Variants in CTNNAL1 observed in about 807,000 individuals in gnomAD.
CTNNAL1 encodes the protein alpha-catulin.
CTNNAL1 carries 69 observed loss-of-function variants against 93.6 expected under a neutral mutation model. The ratio of observed to expected loss-of-function variants is 0.74; its 90% CI spans 0.61 to 0.90. CTNNAL1 has a LOEUF of 0.90. Among genes scored for constraint, CTNNAL1 ranks in the 40% least tolerant of loss-of-function variants. The pLI, the probability that CTNNAL1 is intolerant of heterozygous loss-of-function variation, is 0.00. For synonymous variants in CTNNAL1, 286 were observed against 305.4 expected (o/e 0.94, Z 0.66); for missense variants, 836 against 862.0 (o/e 0.97, Z 0.38).
At chr9:108,964,432 A>T (rs901177268) in intron 11 of CTNNAL1, among the ~76,000 whole-genome samples, 3 of 152,224 alleles carry the variant, frequency 2.0e-5, no homozygotes, top group African/African-American at 7.2e-5. Flanking sequence ...GAAGAGAAAA[A>T]ATATAAACAT....
At chr9:108,944,918 C>A (rs1045232339) in intron 15 of CTNNAL1, among the ~76,000 whole-genome samples, 2 of 152,168 alleles carry the variant, frequency 1.3e-5, no homozygotes, top group African/African-American at 4.8e-5. Context: ...TGCAACCTTC[C>A]CTTTAAAAGG....
rs370631383 is a variant in CTNNAL1, at chr9:108,972,701, A to C, written c.1321T>G (p.Ser441Ala). 5.6e-6 allele frequency: 9 copies of C among 1,613,574 alleles called. No individual in the cohort carries two copies. The highest frequency in any genetic ancestry group is 1.7e-4 in the Middle Eastern group (1 of 6,044). ...EALAEYACKL[S>A]EQKEQLVETC... ...TCAACAAGCTGCTCTTTCTGTTCAG[A>C]GAGTTTACAGGCATATTCAGCCAAA... is the stretch of plus-strand genomic sequence containing the variant. The change falls in exon 9 of 19, where the codon TCT becomes GCT. Residue 441 changes from serine (S) to alanine (A), a missense_variant. By Grantham distance (99) the Ser-to-Ala change is moderately conservative. Transcript: ENST00000325551.
At chr9:109,011,919 A>C (rs922357020) in intron 1 of CTNNAL1, among the ~76,000 whole-genome samples, 1 of 152,240 alleles carries the variant, frequency 6.6e-6, no homozygotes, top group Non-Finnish European at 1.5e-5. Context: ...CTTGAACTCC[A>C]TCACTCTCTT....
At chr9:108,956,617 T>C (rs1258463847) in intron 11 of CTNNAL1, among the ~76,000 whole-genome samples, 1 of 152,228 alleles carries the variant, frequency 6.6e-6, no homozygotes, top group Non-Finnish European at 1.5e-5. Context: ...AAATTGCTGG[T>C]ATTCAACCAT....
chr9:108,943,945 A>G lies in CTNNAL1; in HGVS notation c.1941+17T>C. On this transcript the variant is annotated intron_variant, in intron 16 of 18. Transcript: ENST00000325551. ...CATAATACCACCACCAGCTCCAGGT[A>G]GGTAGACATGTGTTACCTGTTTTGA... The G allele has an allele frequency of 6.2e-7, 1 of 1,612,246 alleles. No homozygotes were observed. The highest frequency in any genetic ancestry group is 8.5e-7 in the Non-Finnish European group (1 of 1,179,018).
chr9:108,988,659 G>A (rs979836412), intron 4 of CTNNAL1, among the ~76,000 whole-genome samples: 5 of 152,038 alleles, frequency 3.3e-5, no homozygotes, highest in Admixed American at 2.6e-4. Flanking sequence ...TACCCTTCCC[G>A]TTTGCTCACT....
intron 3 of CTNNAL1, 58 bp from the exon 4 acceptor site, chr9:108,990,903 T>C (rs548473575): frequency 7.7e-6 from 12 of 1,560,706 alleles, no homozygotes; most frequent in Admixed American, 2.0e-5. Context: ...ACTGAGATTG[T>C]CAAGGCTGAG....
Position 108,948,249 on chromosome 9 carries a change from ATTG to A in CTNNAL1, c.1836-18_1836-16del, listed in dbSNP as rs780770460. ...GCCCCTCTCCTCTAAAATAAAATTA[ATTG>A]TTAAGAAGGTAACAAAAAGTTATTA... On this transcript the variant is annotated splice_polypyrimidine_tract_variant and intron_variant, in intron 14 of 18. Transcript: ENST00000325551. 8.7e-6 allele frequency: 14 copies of A among 1,609,264 alleles called. No individual in the cohort carries two copies. The highest frequency in any genetic ancestry group is 3.4e-5 in the Admixed American group (2 of 58,730).
chr9:108,993,017 T>C lies in CTNNAL1; in HGVS notation c.332-198A>G, dbSNP rs180846485. Among the ~76,000 whole-genome samples the C allele has an allele frequency of 1.1e-3, 166 of 152,346 alleles. 1 individual carries two copies. Among genetic ancestry groups the C allele is most frequent in the African/African-American group, 3.6e-3 (151 of 41,592 alleles). On this transcript the variant is annotated intron_variant, in intron 2 of 18. Coordinates refer to ENST00000325551, the MANE Select transcript of CTNNAL1 (RefSeq NM_003798.4). The stretch of plus-strand genomic sequence containing the variant: ...CTAACCAGAAAATAATAGCACACTC[T>C]TAAGAACTGTGACAAATTTTGCCCT...
intron 6 of CTNNAL1, among the ~76,000 whole-genome samples, chr9:108,982,475 T>C (rs574382553): frequency 1.3e-5 from 2 of 152,276 alleles, no homozygotes; most frequent in African/African-American, 2.4e-5. Context: ...CTAGCAGAAA[T>C]GATTTGCTGC....
intron 8 of CTNNAL1, among the ~76,000 whole-genome samples, chr9:108,976,610 AG>A (rs568623466): frequency 4.1e-4 from 62 of 152,084 alleles, no homozygotes; most frequent in Middle Eastern, 3.4e-3. Context: ...GGCTCACTGC[AG>A]CCTTGAGCCC....
chr9:108,978,989 T>C (rs1330715406), intron 7 of CTNNAL1, among the ~76,000 whole-genome samples: 1 of 151,964 alleles, frequency 6.6e-6, no homozygotes, highest in Non-Finnish European at 1.5e-5. Context: ...TTTCCAGAGG[T>C]GAGTTTGGTG....
chr9:108,990,577 T>A, intron 4 of CTNNAL1, 149 bp downstream of exon 4: 2 of 913,162 alleles, frequency 2.2e-6, no homozygotes, highest in Non-Finnish European at 3.1e-6. Context: ...ACTTACTTTA[T>A]CCTGGCTTAT....
In CTNNAL1 at chr9:108,999,266, A is replaced by T. The variant is rs1384945671; in HGVS notation, c.142-10T>A. ...TAATAAGCGTGGTGATCTAAAAATA[A>T]AAGATAAAAGCAACTTTTATCTCAA... On this transcript the variant is annotated splice_polypyrimidine_tract_variant and intron_variant, in intron 1 of 18. Coordinates refer to ENST00000325551, the MANE Select transcript of CTNNAL1 (RefSeq NM_003798.4). 6.3e-7 allele frequency: 1 copy of T among 1,574,878 alleles called. No homozygotes were observed. Among genetic ancestry groups the T allele is most frequent in the South Asian group, 1.2e-5 (1 of 84,228 alleles).
At chr9:108,996,838 T>A (rs1180319538) in intron 2 of CTNNAL1, among the ~76,000 whole-genome samples, 1 of 152,124 alleles carries the variant, frequency 6.6e-6, no homozygotes, top group Non-Finnish European at 1.5e-5. Context: ...ACCCACACAA[T>A]AATTTAGTGT....
chr9:108,986,021 CT>C (rs544622132), intron 4 of CTNNAL1, among the ~76,000 whole-genome samples: 33 of 146,686 alleles, frequency 2.2e-4, no homozygotes, highest in South Asian at 1.5e-3. Flanking sequence ...CTGCCACTTT[CT>C]TTTTTTTTTT....
intron 14 of CTNNAL1, 147 bp from the exon 15 acceptor site, chr9:108,948,381 A>G: frequency 1.6e-6 from 1 of 625,488 alleles, no homozygotes; most frequent in Non-Finnish European, 2.5e-6. Context: ...TTGTAACTTT[A>G]TGCTTAAAGC....
intron 1 of CTNNAL1, among the ~76,000 whole-genome samples, chr9:109,011,415 T>G (rs931125142): frequency 1.3e-5 from 2 of 151,938 alleles, no homozygotes; most frequent in Admixed American, 6.6e-5. Context: ...GGCATTGACC[T>G]CTAACTCTCA....
chr9:108,993,653 A>C (rs1381497934), intron 2 of CTNNAL1, among the ~76,000 whole-genome samples: 1 of 152,244 alleles, frequency 6.6e-6, no homozygotes, highest in African/African-American at 2.4e-5. Context: ...CAATCCAAGT[A>C]TTCTTGTATT....
Sources: allele counts gnomAD v4.1 joint callset (sites outside exome capture counted in the v4.1 genomes callset), GRCh38; gene constraint gnomAD v4.1.1; transcripts MANE v1.5; gene names NCBI Gene and HGNC (gene_info 2026-07-23, HGNC 2026-07-21).